The following UBA3 variants were observed in gnomAD, a reference collection of about 807,000 sequenced individuals.
UBA3 encodes the protein ubiquitin like modifier activating enzyme 3.
Under a neutral mutation model 73.5 loss-of-function variants are expected in UBA3, and 26 were observed. The observed-to-expected ratio is 0.35, with a 90% CI of 0.26 to 0.49. UBA3 has a LOEUF of 0.49. UBA3 is among the 20% of genes least tolerant of loss of function. The pLI, the probability that UBA3 is intolerant of heterozygous loss-of-function variation, is 0.98. For missense variants in UBA3, 495 were observed against 555.6 expected, an observed-to-expected ratio of 0.89 and a Z score of 1.10; for synonymous variants, 217 against 191.2, an observed-to-expected ratio of 1.13 and a Z score of -1.11.
At chr3:69,064,591 G>C (rs1197467636) in intron 6 of UBA3, among the ~76,000 whole-genome samples, 1 of 152,138 alleles carries the variant, frequency 6.6e-6, no homozygotes, top group Non-Finnish European at 1.5e-5. Context: ...AGTTGGTAAA[G>C]ATTTTACTGT....
At chr3:69,068,818 G>A (rs1206409359) in intron 5 of UBA3, among the ~76,000 whole-genome samples, 4 of 152,122 alleles carry the variant, frequency 2.6e-5, no homozygotes, top group African/African-American at 4.8e-5. Context: ...TGATCTGCCC[G>A]CCTCAGCCTC....
intron 4 of UBA3, 43 bp downstream of exon 4, chr3:69,075,387 C>T: frequency 2.0e-6 from 2 of 1,014,768 alleles, no homozygotes; most frequent in Non-Finnish European, 2.6e-6. Flanking sequence ...TTACTTATCA[C>T]AAAGAAGAAA....
At chr3:69,070,883 C>T (rs988817061) in intron 5 of UBA3, among the ~76,000 whole-genome samples, 1 of 152,098 alleles carries the variant, frequency 6.6e-6, no homozygotes, top group African/African-American at 2.4e-5. Flanking sequence ...TGGGCTCAAG[C>T]AATCTTCTCA....
intron 2 of UBA3, 55 bp downstream of exon 2, chr3:69,080,057 G>C: frequency 1.3e-6 from 2 of 1,559,840 alleles, no homozygotes; most frequent in Non-Finnish European, 1.8e-6. Flanking sequence ...CTAGGCCTGG[G>C]GTGGGGGGAG....
chr3:69,060,727 TG>T (rs143451286), intron 11 of UBA3, among the ~76,000 whole-genome samples: 2,105 of 152,306 alleles, frequency 0.014, 44 homozygotes, highest in African/African-American at 0.049. Flanking sequence ...TGAGGCCTAG[TG>T]GGAGGTGTTT....
intron 4 of UBA3, among the ~76,000 whole-genome samples, chr3:69,074,902 AG>A (rs2092152187): frequency 6.6e-6 from 1 of 152,166 alleles, no homozygotes; most frequent in South Asian, 2.1e-4. Context: ...TCACTGAAAA[AG>A]AACACTTAAC....
intron 7 of UBA3, 147 bp downstream of exon 7, chr3:69,063,921 G>T: frequency 1.5e-6 from 1 of 683,650 alleles, no homozygotes; most frequent in Non-Finnish European, 2.5e-6. Context: ...TCTCTTTTCA[G>T]TCTATCAGCA....
rs2091975500 is a variant in UBA3, at chr3:69,056,543, A to C, written c.1083+69T>G. On this transcript the variant is annotated intron_variant, in intron 14 of 17. Transcript: ENST00000361055. ...GAAAATGTATGGGTGACTTTGTTCAAATTTCTAACCAATAATATTTAAAAA... is the reference window on the plus strand; with the variant it reads ...GAAAATGTATGGGTGACTTTGTTCACATTTCTAACCAATAATATTTAAAAA... The C allele has an allele frequency of 2.9e-6, 4 of 1,378,638 alleles. No individual in the cohort carries two copies. The African/African-American group carries it at 4.4e-5, about 15-fold the overall frequency. 85.4% of individuals were successfully genotyped at this position (1,378,638 alleles called of 1,614,324 possible). A position where few individuals can be genotyped will look rare whatever the true frequency, so the allele number is the denominator to read the frequency against.
Position 69,064,004 on chromosome 3 carries a change from G to A in UBA3, c.472+64C>T, listed in dbSNP as rs139099875. ...AGCCTTGAAATAGCTAGCAATATTT[G>A]AATAGCTACCAACTAAAAAATTCTA... On this transcript the variant is annotated intron_variant, in intron 7 of 17. Transcript: ENST00000361055. 1.1e-3 allele frequency: 1,491 copies of A among 1,378,446 alleles called. 15 individuals are homozygous for A. In the African/African-American group the frequency reaches 0.019, roughly 18 times the overall value. 85.4% of individuals were successfully genotyped at this position (1,378,446 alleles called of 1,614,324 possible).
chr3:69,068,267 G>A (rs1229310865), intron 5 of UBA3, among the ~76,000 whole-genome samples: 3 of 152,040 alleles, frequency 2.0e-5, no homozygotes, highest in Non-Finnish European at 4.4e-5. Flanking sequence ...TCTGAACAGT[G>A]TTCTTCCTCC....
chr3:69,074,347 T>C (rs1274792929), intron 4 of UBA3, among the ~76,000 whole-genome samples: 1 of 152,254 alleles, frequency 6.6e-6, no homozygotes, highest in Non-Finnish European at 1.5e-5. Flanking sequence ...GAGTATATCA[T>C]GCATACTGCT....
At chr3:69,057,946 GAC>G (rs2091989247) in intron 11 of UBA3, among the ~76,000 whole-genome samples, 4 of 52,274 alleles carry the variant, frequency 7.7e-5, no homozygotes, top group Non-Finnish European at 1.1e-4. Context: ...TTTTTTTTGA[GAC>G]AGAGTCTCGC....
At chr3:69,062,811 A>T (rs2092033193) in intron 9 of UBA3, among the ~76,000 whole-genome samples, 171 bp downstream of exon 9, 1 of 152,234 alleles carries the variant, frequency 6.6e-6, no homozygotes, top group Admixed American at 6.5e-5. Flanking sequence ...TACTCGGTTC[A>T]TATCTTTCCT....
Position 69,062,073 on chromosome 3 carries a change from T to C in UBA3, c.796+4A>G. The C allele has an allele frequency of 6.3e-7, 1 of 1,583,192 alleles. No homozygotes were observed. The highest frequency in any genetic ancestry group is 1.1e-5 in the South Asian group (1 of 87,624). On this transcript the variant is annotated splice_donor_region_variant and intron_variant, in intron 10 of 17. Transcript: ENST00000361055. ...ATTCTAGATTATTAAATTAGGTTTA[T>C]TACCTCCAAAAGGCTGCTCCTTAGG...
Position 69,061,810 on chromosome 3 carries a change from T to C in UBA3, c.910+4A>G, listed in dbSNP as rs143126838. ...TCATAATTCATGACAATTTGCTGAC[T>C]TACCTTGAGTGAGCCTATACGTAAC... On this transcript the variant is annotated splice_donor_region_variant and intron_variant, in intron 11 of 17. Transcript: ENST00000361055. 286 of 1,568,388 alleles carry C rather than the reference T, an allele frequency of 1.8e-4. 1 individual carries two copies. In the African/African-American group the frequency reaches 3.8e-3, roughly 21 times the overall value.
At chr3:69,070,100 T>C (rs781253823) in intron 5 of UBA3, among the ~76,000 whole-genome samples, 1 of 152,218 alleles carries the variant, frequency 6.6e-6, no homozygotes, top group Non-Finnish European at 1.5e-5. Context: ...GTTATTACCA[T>C]CTTCAACCAT....
intron 1 of UBA3, 44 bp downstream of exon 1, chr3:69,080,290 C>T (rs752880207): frequency 5.0e-6 from 8 of 1,601,598 alleles, no homozygotes; most frequent in South Asian, 4.5e-5. Context: ...CGCTCTCTCA[C>T]AACCCAGCCC....
chr3:69,066,482 C>T (rs1341750541), intron 6 of UBA3, among the ~76,000 whole-genome samples: 2 of 151,468 alleles, frequency 1.3e-5, no homozygotes, highest in South Asian at 2.1e-4. Flanking sequence ...CTTGCTCTGT[C>T]GCCCAGGCTG....
At position 69,055,854 on chromosome 3, in the gene UBA3, T is replaced by G. The variant is rs2091967979; in HGVS notation, c.1300A>C (p.Lys434Gln). 1 of 1,611,026 alleles carries G rather than the reference T, an allele frequency of 6.2e-7. No individual in the cohort carries two copies. The highest frequency in any genetic ancestry group is 8.5e-7 in the Non-Finnish European group (1 of 1,178,900). Residue 434 changes from lysine to glutamine, a missense_variant, in exon 17 of 18, where the codon AAA (lysine) becomes CAA (glutamine). Transcript: ENST00000361055. ...TAAATACCCTTATGTAAAATACCTT[T>G]CAATGTTTTGGAGAGATTTGGCCTT... The part of the protein sequence containing the change: ...RTRPNLSKTL[K>Q]ELGLVDGQEL...
Sources: gnomAD v4.1 joint callset for allele counts (sites outside exome capture counted in the v4.1 genomes callset) on GRCh38, gnomAD v4.1.1 for gene constraint, MANE v1.5 for transcripts, NCBI Gene and HGNC (gene_info 2026-07-23, HGNC 2026-07-21) for gene names.